SGCG: variants seen among roughly 807,000 people sequenced by gnomAD.
SGCG encodes gamma-sarcoglycan.
A neutral mutation model predicts 29.3 loss-of-function variants in SGCG; 26 were observed. That is an observed-to-expected ratio of 0.89 (90% CI 0.65 to 1.23). The LOEUF (loss-of-function observed/expected upper bound fraction) is 1.23, where lower values mean the gene tolerates loss of function less well. Ranked by LOEUF, SGCG falls within the 50% of genes most tolerant of loss-of-function variation. The probability of loss-of-function intolerance (pLI) is 0.00; values close to 1 mark genes in which losing one functional copy is unlikely to be tolerated. For missense variants in SGCG, 353 were observed against 356.0 expected (o/e 0.99, Z 0.07); for synonymous variants, 145 against 129.7 (o/e 1.12, Z -0.80).
intron 5 of SGCG, among the ~76,000 whole-genome samples, chr13:23,280,676 G>C (rs1593217078): frequency 6.6e-6 from 1 of 152,182 alleles, no homozygotes; most frequent in African/African-American, 2.4e-5. Flanking sequence ...TACTAGCTGC[G>C]TAATTTCAAG....
At chr13:23,186,657 C>T (rs1457780018) in intron 1 of SGCG, among the ~76,000 whole-genome samples, 1 of 152,194 alleles carries the variant, frequency 6.6e-6, no homozygotes, top group East Asian at 1.9e-4. Flanking sequence ...CCCCCATCCT[C>T]ACAGGGGATC....
chr13:23,181,435 G>T (rs1876732085), intron 1 of SGCG, among the ~76,000 whole-genome samples: 1 of 152,038 alleles, frequency 6.6e-6, no homozygotes, highest in Non-Finnish European at 1.5e-5. Context: ...TTCTAATTCT[G>T]CTCTTAAACT....
At chr13:23,176,662 G>T (rs549951153), upstream of SGCG, among the ~76,000 whole-genome samples, 1 of 152,204 alleles carries the variant, frequency 6.6e-6, no homozygotes, top group Admixed American at 6.5e-5. Flanking sequence ...GCAGCATACG[G>T]TTGGGTCTTT....
chr13:23,312,659 A>G lies in SGCG; in HGVS notation c.579-7978A>G, dbSNP rs576236953. 2.6e-5 allele frequency among the ~76,000 whole-genome samples: 4 copies of G among 152,310 alleles called. No individual in the cohort carries two copies. The South Asian group carries it at 8.3e-4, about 32-fold the overall frequency. On this transcript the variant is annotated intron_variant, in intron 6 of 7. Transcript: ENST00000218867. ...TCACTTAATGGGTACAGTGCATGCC[A>G]TTCGGGCAATGGTTAACTGAAAGCC... is the stretch of plus-strand genomic sequence containing the variant.
chr13:23,299,402 G>A (rs1246941681), intron 6 of SGCG, among the ~76,000 whole-genome samples: 1 of 89,154 alleles, frequency 1.1e-5, no homozygotes, highest in African/African-American at 4.3e-5. Context: ...GAATATCTTA[G>A]TTGGCATATA....
intron 5 of SGCG, among the ~76,000 whole-genome samples, chr13:23,293,973 T>G (rs985706514): frequency 9.8e-5 from 15 of 152,308 alleles, no homozygotes; most frequent in Admixed American, 9.8e-4. Context: ...AAGGGTTGAT[T>G]TAAAAATAAA....
chr13:23,287,455 T>C (rs1327918834), intron 5 of SGCG, among the ~76,000 whole-genome samples: 1 of 152,178 alleles, frequency 6.6e-6, no homozygotes, highest in African/African-American at 2.4e-5. Context: ...AGTCTGGCCC[T>C]GGGCTTCCAG....
chr13:23,234,772 C>A, intron 3 of SGCG, 60 bp downstream of exon 3: 1 of 1,167,994 alleles, frequency 8.6e-7, no homozygotes, highest in Non-Finnish European at 1.3e-6. Flanking sequence ...TGTTTAAGCA[C>A]AAAAATTCAG....
the SGCG span, among the ~76,000 whole-genome samples, chr13:23,173,223 G>C: frequency 6.6e-5 from 10 of 152,160 alleles, no homozygotes; most frequent in African/African-American, 2.4e-4. Context: ...AGGGAAGACT[G>C]CATCTTAAAC....
chr13:23,186,073 C>G (rs1876959603), intron 1 of SGCG, among the ~76,000 whole-genome samples: 1 of 152,116 alleles, frequency 6.6e-6, no homozygotes, highest in Non-Finnish European at 1.5e-5. Context: ...CTGATACTTA[C>G]CCATCCTTTT....
chr13:23,183,635 T>C (rs1876837900), intron 1 of SGCG, among the ~76,000 whole-genome samples: 1 of 152,182 alleles, frequency 6.6e-6, no homozygotes. Flanking sequence ...ACATTTTTGA[T>C]TGTAACGAAA....
At position 23,279,444 on chromosome 13, in the gene SGCG, A is replaced by G. The variant is rs527236657; in HGVS notation, c.471A>G (p.Glu157=). The change falls in exon 5 of 8, where the codon GAA becomes GAG. Residue 157 remains glutamate (E), a synonymous_variant. Transcript: ENST00000218867. The part of the protein sequence containing the change: ...GKPLFTVDEK[E]VVVGTDKLRV... The stretch of plus-strand genomic sequence containing the variant: ...CACTATTTACTGTAGATGAGAAGGA[A>G]GTTGTGGTTGGTACAGATAAACTTC... 1.2e-6 allele frequency: 2 copies of G among 1,613,446 alleles called. No homozygotes were observed. The highest frequency in any genetic ancestry group is 2.2e-5 in the South Asian group (2 of 91,052).
chr13:23,273,911 T>A (rs73436883), intron 4 of SGCG, among the ~76,000 whole-genome samples: 16,050 of 152,210 alleles, frequency 0.11, 979 homozygotes, highest in Non-Finnish European at 0.12. Flanking sequence ...TCTTTTTAGG[T>A]CATCTCCTCA....
At chr13:23,181,649 A>G (rs577379) in intron 1 of SGCG, among the ~76,000 whole-genome samples, 87,782 of 152,058 alleles carry the variant, frequency 0.58, 25,515 homozygotes, top group Admixed American at 0.64. Context: ...TCTGGAAAAT[A>G]TAAAATACTG....
At chr13:23,277,413 T>TAAA (rs66499459) in intron 4 of SGCG, among the ~76,000 whole-genome samples, 2 of 148,102 alleles carry the variant, frequency 1.4e-5, no homozygotes, top group African/African-American at 5.0e-5. Context: ...GTGAAGCTTT[T>TAAA]AAAAAAAAAA....
chr13:23,162,082 A>G, the SGCG span, among the ~76,000 whole-genome samples: 1 of 152,236 alleles, frequency 6.6e-6, no homozygotes, highest in Non-Finnish European at 1.5e-5. Flanking sequence ...CACGTTGTAC[A>G]AATAATTTAT....
intron 4 of SGCG, among the ~76,000 whole-genome samples, chr13:23,259,416 A>G (rs961665111): frequency 6.6e-6 from 1 of 151,786 alleles, no homozygotes; most frequent in Admixed American, 6.6e-5. Flanking sequence ...TATTGCGTCT[A>G]TTTGATTCTT....
intron 7 of SGCG, among the ~76,000 whole-genome samples, chr13:23,322,790 G>GCCCCCACCCACC (rs1883101133): frequency 3.4e-5 from 1 of 29,616 alleles, no homozygotes; most frequent in Non-Finnish European, 6.2e-5. Context: ...CCCCCCCCCC[G>GCCCCCACCCACC]CCAACAGGTG....
rs185022896 is a variant in SGCG, at chr13:23,232,825, T to C, written c.196-1786T>C. 1.2e-3 allele frequency among the ~76,000 whole-genome samples: 183 copies of C among 152,196 alleles called. No homozygotes were observed. The Middle Eastern group carries it at 0.024, about 20-fold the overall frequency. On this transcript the variant is annotated intron_variant, in intron 2 of 7. Coordinates refer to ENST00000218867, the MANE Select transcript of SGCG (RefSeq NM_000231.3). Reference sequence around the variant, plus strand: ...AGGGGAGGACAGTTAGGCAATCAGATATATGGGTATGAAGCTCAGAACAGA... The same window carrying C: ...AGGGGAGGACAGTTAGGCAATCAGACATATGGGTATGAAGCTCAGAACAGA...
Sources: gnomAD v4.1 joint callset for allele counts (sites outside exome capture counted in the v4.1 genomes callset) on GRCh38, gnomAD v4.1.1 for gene constraint, MANE v1.5 for transcripts, NCBI Gene and HGNC (gene_info 2026-07-23, HGNC 2026-07-21) for gene names.